Variants in UBE2N observed in about 807,000 individuals in gnomAD.
UBE2N encodes the protein ubiquitin conjugating enzyme E2 N.
For synonymous variants in UBE2N, 70 were observed against 69.2 expected, an observed-to-expected ratio of 1.01 and a Z score of -0.06; for missense variants, 60 against 192.1, an observed-to-expected ratio of 0.31 and a Z score of 4.07.
chr12:93,435,857 C>A (rs1472657874), intron 1 of UBE2N, among the ~76,000 whole-genome samples: 1 of 151,968 alleles, frequency 6.6e-6, no homozygotes, highest in Non-Finnish European at 1.5e-5. Flanking sequence ...AATTTTTCCA[C>A]TGCACTTCAG....
At chr12:93,428,741 A>G (rs1878664296) in intron 1 of UBE2N, among the ~76,000 whole-genome samples, 1 of 152,220 alleles carries the variant, frequency 6.6e-6, no homozygotes, top group Non-Finnish European at 1.5e-5. Flanking sequence ...TGAACTAAGT[A>G]CTCAGACTAG....
At chr12:93,422,725 T>C (rs1177824703) in intron 1 of UBE2N, among the ~76,000 whole-genome samples, 1 of 152,198 alleles carries the variant, frequency 6.6e-6, no homozygotes, top group Non-Finnish European at 1.5e-5. Context: ...GATTGTGGGT[T>C]TTTTCTTTCA....
rs142186037 is a variant in UBE2N at position 93,414,410 on chromosome 12, T to C, written c.31-3111A>G. On this transcript the variant is annotated intron_variant, in intron 1 of 3. Coordinates refer to ENST00000318066, the MANE Select transcript of UBE2N (RefSeq NM_003348.4). ...GTTGCGGTGAGCCCCGATCATGCCA[T>C]TGCTCTCCAGCCTAGGCAAAAGAGC... 5.1e-3 allele frequency among the ~76,000 whole-genome samples: 765 copies of C among 149,098 alleles called. 2 individuals are homozygous for C. Among genetic ancestry groups the C allele is most frequent in the Non-Finnish European group, 7.8e-3 (525 of 67,638 alleles).
At chr12:93,429,409 TAC>T (rs1878690235) in intron 1 of UBE2N, 3 of 378,644 alleles carry the variant, frequency 7.9e-6, no homozygotes, top group Non-Finnish European at 1.5e-5. Flanking sequence ...GTACTTTAAA[TAC>T]AGTCATGCGC....
At chr12:93,416,113 A>G (rs1878199329) in intron 1 of UBE2N, among the ~76,000 whole-genome samples, 1 of 152,246 alleles carries the variant, frequency 6.6e-6, no homozygotes, top group South Asian at 2.1e-4. Flanking sequence ...GACTGACACA[A>G]AAACATGCAT....
chr12:93,427,444 A>ACATG (rs1878629195), intron 1 of UBE2N, among the ~76,000 whole-genome samples: 1 of 152,276 alleles, frequency 6.6e-6, no homozygotes, highest in African/African-American at 2.4e-5. Context: ...AAGTACTAAT[A>ACATG]CATGCTACAA....
rs535250425 is a variant in UBE2N at position 93,409,866 on chromosome 12, G to C, written c.*173C>G. 6.1e-5 allele frequency: 40 copies of C among 658,172 alleles called. 1 individual carries two copies. In the Admixed American group the frequency reaches 8.4e-4, roughly 14 times the overall value. The allele number at this position is 658,172 out of a possible 1,614,324, so 40.8% of individuals were successfully genotyped here. A position where few individuals can be genotyped will look rare whatever the true frequency, so the allele number is the denominator to read the frequency against. On this transcript the variant is annotated 3_prime_UTR_variant, in exon 4 of 4. Transcript: ENST00000318066. ...GCCTCTGCTCATGCTTTATGACAGT[G>C]AATCAGGACAAGACATAGATTTGCT...
At chr12:93,435,588 T>G (rs1878910605) in intron 1 of UBE2N, among the ~76,000 whole-genome samples, 1 of 152,314 alleles carries the variant, frequency 6.6e-6, no homozygotes, top group East Asian at 1.9e-4. Flanking sequence ...ATTGTGCCAT[T>G]GCACTCCAGG....
In UBE2N at chr12:93,406,180, A is replaced by C. The variant is rs1877800981; in HGVS notation, c.*3859T>G. The C allele has an allele frequency of 6.7e-6, 1 of 148,930 alleles. No homozygotes were observed. Among genetic ancestry groups the C allele is most frequent in the African/African-American group, 2.5e-5 (1 of 40,544 alleles). 9.2% of individuals were successfully genotyped at this position (148,930 alleles called of 1,614,324 possible). A position where few individuals can be genotyped will look rare whatever the true frequency, so the allele number is the denominator to read the frequency against. ...CTCCTCAGGAGGCTGAGGCAGGAGA[A>C]TCGCTTGAACGCGGGAGGCAGAACC... is the stretch of plus-strand genomic sequence containing the variant. On this transcript the variant is annotated 3_prime_UTR_variant, in exon 4 of 4. Transcript: ENST00000318066.
At chr12:93,419,516 A>T (rs141438184) in intron 1 of UBE2N, among the ~76,000 whole-genome samples, 369 of 152,398 alleles carry the variant, frequency 2.4e-3, no homozygotes, top group African/African-American at 8.6e-3. Flanking sequence ...ATTTCAAAAC[A>T]CATTAAATGA....
chr12:93,429,157 C>T (rs1878678646), intron 1 of UBE2N, among the ~76,000 whole-genome samples: 1 of 151,778 alleles, frequency 6.6e-6, no homozygotes, highest in Non-Finnish European at 1.5e-5. Flanking sequence ...GTAGTCCCAG[C>T]TACTCAGGAG....
intron 1 of UBE2N, among the ~76,000 whole-genome samples, chr12:93,425,320 GCTCT>G (rs1290299136): frequency 1.3e-5 from 2 of 152,070 alleles, no homozygotes; most frequent in African/African-American, 4.8e-5. Context: ...AGGAAGTAAG[GCTCT>G]CTGAGCCATA....
chr12:93,428,856 T>C (rs1363518309), intron 1 of UBE2N, among the ~76,000 whole-genome samples: 1 of 152,238 alleles, frequency 6.6e-6, no homozygotes, highest in Non-Finnish European at 1.5e-5. Context: ...AGGCAAGGTC[T>C]GGCCAAGTAC....
intron 1 of UBE2N, 23 bp downstream of exon 1, chr12:93,441,832 T>A (rs765440742): frequency 6.3e-7 from 1 of 1,580,512 alleles, no homozygotes. Flanking sequence ...AGCGAAGAGC[T>A]GGAGGCCGGC....
chr12:93,410,988 T>C (rs747025976), intron 2 of UBE2N, 65 bp downstream of exon 2: 2 of 1,613,764 alleles, frequency 1.2e-6, no homozygotes, highest in Non-Finnish European at 1.7e-6. Flanking sequence ...ATTCTAAACA[T>C]GGAATGCTTA....
At position 93,408,525 on chromosome 12, in the gene UBE2N, A is replaced by G. The variant is rs1432757746; in HGVS notation, c.*1514T>C. Reference sequence around the variant, plus strand: ...CCATTACCTTAAACTGCAAGAGACAAGGTTGCAACCCGAAGGTTAACATTT... The same window carrying G: ...CCATTACCTTAAACTGCAAGAGACAGGGTTGCAACCCGAAGGTTAACATTT... On this transcript the variant is annotated 3_prime_UTR_variant, in exon 4 of 4. Transcript: ENST00000318066. The G allele has an allele frequency of 1.3e-5, 2 of 152,206 alleles. No homozygotes were observed. The highest frequency in any genetic ancestry group is 4.8e-5 in the African/African-American group (2 of 41,454). The allele number at this position is 152,206 out of a possible 1,614,324, so 9.4% of individuals were successfully genotyped here.
intron 1 of UBE2N, among the ~76,000 whole-genome samples, chr12:93,430,467 C>G (rs550323572): frequency 5.0e-4 from 76 of 152,218 alleles, no homozygotes; most frequent in Non-Finnish European, 8.5e-4. Flanking sequence ...TCCTCAAATC[C>G]AGGACTGGCT....
chr12:93,431,246 C>T (rs1878764117), intron 1 of UBE2N, among the ~76,000 whole-genome samples: 1 of 152,140 alleles, frequency 6.6e-6, no homozygotes, highest in African/African-American at 2.4e-5. Flanking sequence ...GCCAACCAAC[C>T]AACCAAACAA....
chr12:93,419,726 C>A (rs1262236577), intron 1 of UBE2N, among the ~76,000 whole-genome samples: 1 of 152,178 alleles, frequency 6.6e-6, no homozygotes, highest in Non-Finnish European at 1.5e-5. Context: ...TTTAAACTTA[C>A]ATTATATGAT....
Sources: allele counts gnomAD v4.1 joint callset (sites outside exome capture counted in the v4.1 genomes callset), GRCh38; gene constraint gnomAD v4.1.1; transcripts MANE v1.5; gene names NCBI Gene and HGNC (gene_info 2026-07-23, HGNC 2026-07-21).